The following C10orf105 variants were observed in gnomAD, a reference collection of about 807,000 sequenced individuals.
C10orf105 encodes uncharacterized protein C10orf105.
In C10orf105, 2 loss-of-function variants were observed where a neutral mutation model predicts 0.6. That is an observed-to-expected ratio of 3.18 (90% CI 1.30 to 10.01). C10orf105 has a LOEUF of 10.01. Among genes scored for constraint, C10orf105 ranks in the 30% most tolerant of loss-of-function variants. The pLI is 0.04. For missense variants in C10orf105, 209 were observed against 191.4 expected (o/e 1.09, Z -0.54); for synonymous variants, 95 against 82.4 (o/e 1.15, Z -0.83).
At position 71,716,187 on chromosome 10, in the gene C10orf105, T is replaced by A; in HGVS notation, c.151A>T (p.Thr51Ser). Reference protein sequence around the residue: ...ALACIFLLLATCLLFMTLCKP... With the variant: ...ALACIFLLLASCLLFMTLCKP... ...CAGAGCGTCATGAACAGCAGACAGG[T>A]GGCCAGCAGGAGGAAGATGCAGGCC... Residue 51 changes from threonine to serine, a missense_variant, in exon 2 of 2, where the codon ACC becomes TCC. Coordinates refer to ENST00000441508, the MANE Select transcript of C10orf105 (RefSeq NM_001164375.3). The A allele has an allele frequency of 1.9e-6, 3 of 1,550,650 alleles. No homozygotes were observed. Among genetic ancestry groups the A allele is most frequent in the Non-Finnish European group, 2.6e-6 (3 of 1,146,706 alleles).
rs147820110 is a variant in C10orf105 at position 71,735,161 on chromosome 10, C to T, written c.-6+2567G>A. Among the ~76,000 whole-genome samples the T allele has an allele frequency of 1.9e-3, 296 of 152,328 alleles. 1 individual carries two copies. Among genetic ancestry groups the T allele is most frequent in the Middle Eastern group, 6.8e-3 (2 of 294 alleles). The stretch of plus-strand genomic sequence containing the variant: ...GGGCTCTGTCCTGATGCCTCAGCTG[C>T]TGCATCCATAAAGGGGACCCCCTCC... On this transcript the variant is annotated intron_variant, in intron 1 of 1. Transcript: ENST00000398786.
upstream of C10orf105, chr10:71,723,957 C>T (rs754369494): frequency 2.0e-4 from 283 of 1,437,120 alleles, no homozygotes; most frequent in South Asian, 4.0e-4. Flanking sequence ...GGGTAGGATG[C>T]GTGAAGGGAA....
rs537647153 is a variant in C10orf105, at chr10:71,718,802, C to G, written c.-6+825G>C. Among the ~76,000 whole-genome samples the G allele has an allele frequency of 1.5e-4, 23 of 152,172 alleles. No individual in the cohort carries two copies. In the East Asian group the frequency reaches 4.5e-3, roughly 29 times the overall value. ...ATAAGTGAGGCCAGGCGTGTTGGCT[C>G]TCACCTGTAATCCCAGCACTTTGGG... On this transcript the variant is annotated intron_variant, in intron 1 of 1. Transcript: ENST00000441508.
chr10:71,713,164 G>A lies in C10orf105; in HGVS notation c.*2772C>T, dbSNP rs779963210. On this transcript the variant is annotated 3_prime_UTR_variant, in exon 2 of 2. Transcript: ENST00000441508. The stretch of plus-strand genomic sequence containing the variant: ...GGAAAGGAGTTGAGAAGAGAGCCAG[G>A]GCCCAGCAAGGCCCAGAACAGAGCT... The A allele has an allele frequency of 7.7e-6, 6 of 779,140 alleles. No individual in the cohort carries two copies. The highest frequency in any genetic ancestry group is 1.7e-5 in the African/African-American group (1 of 59,138). The allele number at this position is 779,140 out of a possible 1,614,324, so 48.3% of individuals were successfully genotyped here. A position where few individuals can be genotyped will look rare whatever the true frequency, so the allele number is the denominator to read the frequency against.
intron 1 of C10orf105, among the ~76,000 whole-genome samples, chr10:71,726,279 G>A (rs538692099): frequency 6.6e-6 from 1 of 152,148 alleles, no homozygotes; most frequent in Non-Finnish European, 1.5e-5. Flanking sequence ...AGGGAGATGG[G>A]AAGAGTCAGG....
chr10:71,714,862 C>T lies in C10orf105; in HGVS notation c.*1074G>A, dbSNP rs1270634339. ...AGGAGCTGGGCAGCCCAGGTCCTCCCTCTGCCCACCCTTCAAATTTGGGAC... is the reference window on the plus strand; with the variant it reads ...AGGAGCTGGGCAGCCCAGGTCCTCCTTCTGCCCACCCTTCAAATTTGGGAC... On this transcript the variant is annotated 3_prime_UTR_variant, in exon 2 of 2. Coordinates refer to ENST00000441508, the MANE Select transcript of C10orf105 (RefSeq NM_001164375.3). 2 of 152,260 alleles carry T rather than the reference C, an allele frequency of 1.3e-5. No homozygotes were observed. Among genetic ancestry groups the T allele is most frequent in the East Asian group, 1.9e-4 (1 of 5,198 alleles). 9.4% of individuals were successfully genotyped at this position (152,260 alleles called of 1,614,324 possible). A position where few individuals can be genotyped will look rare whatever the true frequency, so the allele number is the denominator to read the frequency against.
upstream of C10orf105, among the ~76,000 whole-genome samples, chr10:71,722,371 G>A (rs891806180): frequency 3.3e-5 from 5 of 152,206 alleles, no homozygotes; most frequent in Admixed American, 6.5e-5. Context: ...AACAGGGAGC[G>A]AGGCACAGAT....
rs988437594 is a variant in C10orf105, at chr10:71,712,064, T to C, written c.*3872A>G. 6.5e-6 allele frequency: 1 copy of C among 153,396 alleles called. No homozygotes were observed. The highest frequency in any genetic ancestry group is 1.5e-5 in the Non-Finnish European group (1 of 68,810). The allele number at this position is 153,396 out of a possible 1,614,324, so 9.5% of individuals were successfully genotyped here. ...CTCCAAAGGCTCTAGAGAGAATCAGTCCTTGACCGTCCCAGTTTCTGGAGT... is the reference window on the plus strand; with the variant it reads ...CTCCAAAGGCTCTAGAGAGAATCAGCCCTTGACCGTCCCAGTTTCTGGAGT... On this transcript the variant is annotated 3_prime_UTR_variant, in exon 2 of 2. Coordinates refer to ENST00000441508, the MANE Select transcript of C10orf105 (RefSeq NM_001164375.3).
At chr10:71,723,524 T>C (rs1866658267), upstream of C10orf105, among the ~76,000 whole-genome samples, 1 of 152,216 alleles carries the variant, frequency 6.6e-6, no homozygotes, top group Admixed American at 6.5e-5. Flanking sequence ...TGAATGAGCA[T>C]GGAGCCATTG....
In C10orf105 at chr10:71,713,619, C is replaced by T. The variant is rs557409775; in HGVS notation, c.*2317G>A. 7.7e-5 allele frequency: 25 copies of T among 323,894 alleles called. No individual in the cohort carries two copies. The highest frequency in any genetic ancestry group is 3.0e-4 in the African/African-American group (14 of 46,320). The allele number at this position is 323,894 out of a possible 1,614,324, so 20.1% of individuals were successfully genotyped here. On this transcript the variant is annotated 3_prime_UTR_variant, in exon 2 of 2. Transcript: ENST00000441508. ...GAGCCCAGAAAGCCCTGAGGATTTG[C>T]GAGAGTGTGGTGGCTAGCTCCAGAA... is the stretch of plus-strand genomic sequence containing the variant.
rs368147248 is a variant in C10orf105 at position 71,712,698 on chromosome 10, C to T, written c.*3238G>A. The T allele has an allele frequency of 1.1e-5, 18 of 1,613,730 alleles. No individual in the cohort carries two copies. In the African/African-American group the frequency reaches 1.7e-4, roughly 16 times the overall value. On this transcript the variant is annotated 3_prime_UTR_variant, in exon 2 of 2. Transcript: ENST00000441508. ...CCTGTAGGGAAGCGACACACGGGCA[C>T]AGCCACCGTGTTCGTCACTGTCCTG... is the stretch of plus-strand genomic sequence containing the variant.
At position 71,732,304 on chromosome 10, in the gene C10orf105, C is replaced by G. The variant is rs1469319388; in HGVS notation, c.-6+5424G>C. The G allele has an allele frequency of 6.2e-7, 1 of 1,611,428 alleles. No homozygotes were observed. Among genetic ancestry groups the G allele is most frequent in the Admixed American group, 1.7e-5 (1 of 59,692 alleles). Reference sequence around the variant, plus strand: ...GGCCTACTCCATCGACAACCTCAACCAAATCACGTACCGCTTCAACGCCTA... The same window carrying G: ...GGCCTACTCCATCGACAACCTCAACGAAATCACGTACCGCTTCAACGCCTA... On this transcript the variant is annotated intron_variant, in intron 1 of 1. Transcript: ENST00000398786.
intron 1 of C10orf105, chr10:71,732,506 C>T (rs1193680271): frequency 7.2e-7 from 1 of 1,386,120 alleles, no homozygotes; most frequent in African/African-American, 1.4e-5. Flanking sequence ...GTGTTAGGTA[C>T]CTGTAGTCCC....
rs483353051 is a variant in C10orf105, at chr10:71,732,200, C to T, written c.-6+5528G>A. The T allele has an allele frequency of 6.2e-7, 1 of 1,613,836 alleles. No individual in the cohort carries two copies. Among genetic ancestry groups the T allele is most frequent in the Middle Eastern group, 1.6e-4 (1 of 6,062 alleles). Reference sequence around the variant, plus strand: ...ACTCTGCTCAACGAGCTGGACGAGGCCGTGCAGTTCTCCAATGCCTCATAC... The same window carrying T: ...ACTCTGCTCAACGAGCTGGACGAGGTCGTGCAGTTCTCCAATGCCTCATAC... On this transcript the variant is annotated intron_variant, in intron 1 of 1. Coordinates refer to the C10orf105 transcript ENST00000398786.
At chr10:71,726,757 T>C (rs1866829685) in intron 1 of C10orf105, among the ~76,000 whole-genome samples, 1 of 152,342 alleles carries the variant, frequency 6.6e-6, no homozygotes, top group African/African-American at 2.4e-5. Flanking sequence ...GTGACTGATG[T>C]CAGCGAAGCT....
At chr10:71,737,732 G>T (rs1437296169) in exon 1 of C10orf105, 1 of 470,894 alleles carries the variant, frequency 2.1e-6, no homozygotes, top group East Asian at 6.9e-5. Flanking sequence ...GGGTACCTGT[G>T]ATTCCAGCCG....
chr10:71,712,642 C>A lies in C10orf105; in HGVS notation c.*3294G>T. On this transcript the variant is annotated 3_prime_UTR_variant, in exon 2 of 2. Coordinates refer to ENST00000441508, the MANE Select transcript of C10orf105 (RefSeq NM_001164375.3). ...CCCTCTCTCAGGCAGCTGCTAACAC[C>A]TGTCTTCCTTCAACTCCCACAGACA... is the stretch of plus-strand genomic sequence containing the variant. 1 of 1,611,906 alleles carries A rather than the reference C, an allele frequency of 6.2e-7. No individual in the cohort carries two copies. Among genetic ancestry groups the A allele is most frequent in the Non-Finnish European group, 8.5e-7 (1 of 1,178,694 alleles).
At chr10:71,722,463 C>T (rs1336746802), upstream of C10orf105, among the ~76,000 whole-genome samples, 2 of 152,200 alleles carry the variant, frequency 1.3e-5, no homozygotes, top group African/African-American at 4.8e-5. Flanking sequence ...TACTGAGTGT[C>T]AGCCTAGTTC....
intron 1 of C10orf105, among the ~76,000 whole-genome samples, chr10:71,727,645 A>G (rs1329682677): frequency 6.6e-6 from 1 of 152,130 alleles, no homozygotes; most frequent in Non-Finnish European, 1.5e-5. Flanking sequence ...TGGGTGTCTC[A>G]GGGTGTTCAC....
Sources: allele counts gnomAD v4.1 joint callset (sites outside exome capture counted in the v4.1 genomes callset), GRCh38; gene constraint gnomAD v4.1.1; transcripts MANE v1.5; gene names NCBI Gene and HGNC (gene_info 2026-07-23, HGNC 2026-07-21).